Variants in NOL4 observed in about 807,000 individuals in gnomAD.
The protein encoded by NOL4 is nucleolar protein 4.
In NOL4, 17 loss-of-function variants were observed where a neutral mutation model predicts 75.9. That is an observed-to-expected ratio of 0.22 (90% CI 0.15 to 0.34). The LOEUF is 0.34. Ranked by LOEUF, NOL4 falls within the 10% of genes least tolerant of loss-of-function variation. The pLI, the probability that NOL4 is intolerant of heterozygous loss-of-function variation, is 1.00. For synonymous variants in NOL4, 292 were observed against 289.9 expected, an observed-to-expected ratio of 1.01 and a Z score of -0.07; for missense variants, 614 against 793.5, an observed-to-expected ratio of 0.77 and a Z score of 2.72.
At chr18:33,869,338 G>A (rs181432631) in intron 10 of NOL4, among the ~76,000 whole-genome samples, 3 of 152,006 alleles carry the variant, frequency 2.0e-5, no homozygotes, top group Admixed American at 1.3e-4. Flanking sequence ...ATCAACTTAC[G>A]TATTAAGAAG....
chr18:34,132,746 A>T (rs1053502163), intron 1 of NOL4, among the ~76,000 whole-genome samples: 1 of 151,926 alleles, frequency 6.6e-6, no homozygotes, highest in African/African-American at 2.4e-5. Context: ...CAAAAAAAAA[A>T]AAAAAGTAAA....
At chr18:34,020,328 A>G (rs2074964900) in intron 5 of NOL4, among the ~76,000 whole-genome samples, 1 of 152,152 alleles carries the variant, frequency 6.6e-6, no homozygotes, top group Non-Finnish European at 1.5e-5. Flanking sequence ...TATTTTGCAA[A>G]TTGTTTTTGT....
chr18:34,010,482 G>C (rs2074309082), intron 6 of NOL4, among the ~76,000 whole-genome samples: 1 of 151,810 alleles, frequency 6.6e-6, no homozygotes, highest in African/African-American at 2.4e-5. Flanking sequence ...CTAGCTCTTT[G>C]ATATACCAAT....
intron 4 of NOL4, among the ~76,000 whole-genome samples, chr18:34,103,087 G>T (rs1251459204): frequency 2.6e-5 from 4 of 151,924 alleles, no homozygotes; most frequent in Admixed American, 6.6e-5. Flanking sequence ...AATAAAGTAA[G>T]TTCAACAAAG....
At chr18:34,035,123 T>TA (rs571485208) in intron 5 of NOL4, among the ~76,000 whole-genome samples, 1 of 152,120 alleles carries the variant, frequency 6.6e-6, no homozygotes, top group African/African-American at 2.4e-5. Context: ...AACAGACATT[T>TA]AAAAAAACAT....
At chr18:33,878,957 T>G (rs1206708303) in intron 10 of NOL4, among the ~76,000 whole-genome samples, 2 of 152,120 alleles carry the variant, frequency 1.3e-5, no homozygotes, top group Non-Finnish European at 2.9e-5. Context: ...ATATGATTAC[T>G]GAAAATACTT....
chr18:33,929,888 C>T (rs2067575686), intron 9 of NOL4, among the ~76,000 whole-genome samples: 1 of 152,018 alleles, frequency 6.6e-6, no homozygotes. Context: ...AAGTTTATAA[C>T]TTCTGTCATT....
At chr18:34,047,146 T>C (rs956352356) in intron 5 of NOL4, among the ~76,000 whole-genome samples, 2 of 152,158 alleles carry the variant, frequency 1.3e-5, no homozygotes, top group East Asian at 3.9e-4. Context: ...CTAGGACCAA[T>C]GGTCTCTTCT....
chr18:34,136,138 T>C (rs2080881231), intron 1 of NOL4, among the ~76,000 whole-genome samples: 1 of 152,128 alleles, frequency 6.6e-6, no homozygotes, highest in African/African-American at 2.4e-5. Context: ...AAAGCCAACA[T>C]ACTTCCCTGA....
chr18:33,970,349 CTTTATT>C (rs2070953019), intron 6 of NOL4, among the ~76,000 whole-genome samples: 1 of 152,056 alleles, frequency 6.6e-6, no homozygotes, highest in East Asian at 1.9e-4. Flanking sequence ...CAGTTTGACA[CTTTATT>C]TTTATCTTTC....
intron 6 of NOL4, among the ~76,000 whole-genome samples, chr18:33,998,294 C>T (rs1048746756): frequency 9.9e-5 from 15 of 151,990 alleles, no homozygotes; most frequent in African/African-American, 2.9e-4. Context: ...ACAAATAATG[C>T]TACTAAAAAA....
chr18:34,208,536 C>T (rs899618487), intron 1 of NOL4, among the ~76,000 whole-genome samples: 1 of 152,068 alleles, frequency 6.6e-6, no homozygotes, highest in East Asian at 1.9e-4. Flanking sequence ...CAAACAGACA[C>T]ATATACATTT....
At chr18:34,102,983 C>A (rs1027663748) in intron 4 of NOL4, among the ~76,000 whole-genome samples, 1 of 151,924 alleles carries the variant, frequency 6.6e-6, no homozygotes, top group African/African-American at 2.4e-5. Context: ...CCCTGAATAA[C>A]ATCTATTGAG....
intron 5 of NOL4, among the ~76,000 whole-genome samples, chr18:34,092,256 A>C (rs1230044766): frequency 6.6e-6 from 1 of 152,184 alleles, no homozygotes; most frequent in Non-Finnish European, 1.5e-5. Context: ...ATTTATATCT[A>C]AATCAGAAAA....
At chr18:34,086,377 G>A (rs866809755) in intron 5 of NOL4, among the ~76,000 whole-genome samples, 24 of 152,178 alleles carry the variant, frequency 1.6e-4, no homozygotes, top group Non-Finnish European at 3.2e-4. Context: ...ACTTGCACAA[G>A]AAAGAAAATG....
intron 1 of NOL4, among the ~76,000 whole-genome samples, chr18:34,217,488 T>C (rs547926318): frequency 6.6e-6 from 1 of 152,150 alleles, no homozygotes; most frequent in African/African-American, 2.4e-5. Flanking sequence ...GGTTTCACTG[T>C]GTTGCCCAGG....
At chr18:34,178,577 T>C (rs2033759622) in intron 1 of NOL4, among the ~76,000 whole-genome samples, 1 of 151,770 alleles carries the variant, frequency 6.6e-6, no homozygotes, top group African/African-American at 2.4e-5. Flanking sequence ...AGATCAAATA[T>C]ACTTTAAGGC....
intron 2 of NOL4, among the ~76,000 whole-genome samples, chr18:34,110,508 C>G (rs2079539112): frequency 6.6e-6 from 1 of 152,010 alleles, no homozygotes; most frequent in Admixed American, 6.6e-5. Flanking sequence ...AAACTCTTAA[C>G]AAATATGTAT....
intron 6 of NOL4, among the ~76,000 whole-genome samples, chr18:34,009,292 C>T (rs537579351): frequency 4.6e-5 from 7 of 151,628 alleles, no homozygotes; most frequent in Non-Finnish European, 1.0e-4. Flanking sequence ...ATAAGTGTAA[C>T]TAAAAGGAAA....
Sources: gnomAD v4.1 joint callset for allele counts (sites outside exome capture counted in the v4.1 genomes callset) on GRCh38, gnomAD v4.1.1 for gene constraint, MANE v1.5 for transcripts, NCBI Gene and HGNC (gene_info 2026-07-23, HGNC 2026-07-21) for gene names.